OSBPL10: variants seen among roughly 807,000 people sequenced by gnomAD.
OSBPL10 encodes the protein oxysterol-binding protein-related protein 10.
A neutral mutation model predicts 81.7 loss-of-function variants in OSBPL10; 49 were observed. The ratio of observed to expected loss-of-function variants is 0.60; its 90% CI spans 0.48 to 0.76. The LOEUF (loss-of-function observed/expected upper bound fraction) is 0.76, where lower values mean the gene tolerates loss of function less well. Ranked by LOEUF, OSBPL10 falls within the 30% of genes least tolerant of loss-of-function variation. The pLI, the probability that OSBPL10 is intolerant of heterozygous loss-of-function variation, is 0.00. For synonymous variants in OSBPL10, 419 were observed against 383.6 expected, an observed-to-expected ratio of 1.09 and a Z score of -1.08; for missense variants, 923 against 987.8, an observed-to-expected ratio of 0.93 and a Z score of 0.88.
rs1474226003 is a variant in OSBPL10, at chr3:31,990,739, G to A, written n.298+55752C>T. The A allele has an allele frequency of 1.9e-6, 3 of 1,613,842 alleles. No homozygotes were observed. In the African/African-American group the frequency reaches 4.0e-5, roughly 22 times the overall value. Reference sequence around the variant, plus strand: ...AGTTTTCAGTCGCAAATCACACCATGAAACACATAAGAGAATTCATACTGG... The same window carrying A: ...AGTTTTCAGTCGCAAATCACACCATAAAACACATAAGAGAATTCATACTGG... On this transcript the variant is annotated intron_variant and non_coding_transcript_variant, in intron 2 of 3. Transcript: ENST00000479173.
chr3:31,772,869 A>C (rs1575534821), intron 4 of OSBPL10, among the ~76,000 whole-genome samples: 1 of 152,170 alleles, frequency 6.6e-6, no homozygotes, highest in African/African-American at 2.4e-5. Flanking sequence ...TCTTTCTCAG[A>C]TTCTTGATTC....
intron 1 of OSBPL10, among the ~76,000 whole-genome samples, chr3:31,906,027 T>C (rs1261549812): frequency 6.6e-6 from 1 of 151,868 alleles, no homozygotes; most frequent in African/African-American, 2.4e-5. Flanking sequence ...GTTTGGGGAG[T>C]GTCTCCTGCT....
At chr3:31,831,001 A>G (rs554442484) in intron 3 of OSBPL10, among the ~76,000 whole-genome samples, 7 of 152,324 alleles carry the variant, frequency 4.6e-5, no homozygotes, top group Admixed American at 3.9e-4. Flanking sequence ...ACAAAGCTGG[A>G]TTCATCTCTC....
intron 7 of OSBPL10, among the ~76,000 whole-genome samples, chr3:31,696,251 C>T (rs1247696610): frequency 1.3e-5 from 2 of 152,206 alleles, no homozygotes. Context: ...CAAATTCCTG[C>T]ACTCATCTGC....
chr3:31,771,784 C>T (rs949716050), intron 4 of OSBPL10, among the ~76,000 whole-genome samples: 13 of 152,144 alleles, frequency 8.5e-5, no homozygotes, highest in African/African-American at 1.7e-4. Flanking sequence ...TGGAAAACTT[C>T]GTAATTTTGA....
At chr3:31,873,228 A>G (rs1284798027) in intron 3 of OSBPL10, among the ~76,000 whole-genome samples, 1 of 152,228 alleles carries the variant, frequency 6.6e-6, no homozygotes, top group East Asian at 1.9e-4. Context: ...CAATTTAAAA[A>G]AAATGCAATC....
At chr3:31,840,651 A>G (rs1020562361) in intron 3 of OSBPL10, among the ~76,000 whole-genome samples, 8 of 152,192 alleles carry the variant, frequency 5.3e-5, no homozygotes, top group African/African-American at 1.7e-4. Flanking sequence ...GGCTACAGAA[A>G]CCTTATAAGT....
At chr3:31,997,920 T>C (rs1266439434) in intron 2 of OSBPL10, among the ~76,000 whole-genome samples, 1 of 152,072 alleles carries the variant, frequency 6.6e-6, no homozygotes, top group African/African-American at 2.4e-5. Context: ...CCCGAGTAGC[T>C]GGGACTATAC....
chr3:31,663,181 A>G (rs1260755639), intron 11 of OSBPL10: 1 of 985,356 alleles, frequency 1.0e-6, no homozygotes, highest in East Asian at 1.1e-4. Flanking sequence ...GGCTAAGGAA[A>G]GCCCACAGAT....
chr3:32,013,890 A>G (rs1699287472), intron 2 of OSBPL10, among the ~76,000 whole-genome samples: 1 of 152,200 alleles, frequency 6.6e-6, no homozygotes, highest in Non-Finnish European at 1.5e-5. Context: ...CCAAGACTAA[A>G]CCAGGAAGAA....
At chr3:31,867,083 C>G (rs1331193942) in intron 3 of OSBPL10, among the ~76,000 whole-genome samples, 17 of 152,148 alleles carry the variant, frequency 1.1e-4, no homozygotes, top group Admixed American at 1.1e-3. Flanking sequence ...ATATGCCAAT[C>G]TAACCACAGT....
At chr3:32,022,862 C>T (rs1164534781) in intron 2 of OSBPL10, among the ~76,000 whole-genome samples, 1 of 152,096 alleles carries the variant, frequency 6.6e-6, no homozygotes, top group Admixed American at 6.5e-5. Flanking sequence ...TTAATTCTGG[C>T]CTGGGAGTGT....
At chr3:31,848,144 C>T (rs1029987517) in intron 3 of OSBPL10, among the ~76,000 whole-genome samples, 1 of 152,016 alleles carries the variant, frequency 6.6e-6, no homozygotes, top group African/African-American at 2.4e-5. Context: ...GGACACCTGC[C>T]CTGAAGCTTT....
intron 3 of OSBPL10, among the ~76,000 whole-genome samples, chr3:31,850,568 T>G (rs1210277597): frequency 1.3e-5 from 2 of 152,150 alleles, no homozygotes; most frequent in Non-Finnish European, 2.9e-5. Context: ...ACCAAAATTC[T>G]ACTTCATTAA....
Position 31,980,888 on chromosome 3 carries a change from T to C in OSBPL10, c.281+11A>G, listed in dbSNP as rs1364710451. On this transcript the variant is annotated intron_variant, in intron 1 of 11. Coordinates refer to ENST00000396556, the MANE Select transcript of OSBPL10 (RefSeq NM_017784.5). ...AGCGGCGCGCGGTGGCGCGGGCGGC[T>C]GGCGCGTTACCTGTTCTGCCAGCCC... 3 of 1,557,034 alleles carry C rather than the reference T, an allele frequency of 1.9e-6. No individual in the cohort carries two copies. The highest frequency in any genetic ancestry group is 2.8e-5 in the African/African-American group (2 of 71,098).
rs572729060 is a variant in OSBPL10, at chr3:31,896,218, G to A, written c.282-16388C>T. 5.9e-5 allele frequency among the ~76,000 whole-genome samples: 9 copies of A among 152,232 alleles called. 2 individuals carry two copies. Among genetic ancestry groups the A allele is most frequent in the African/African-American group, 2.2e-4 (9 of 41,534 alleles). ...CATCACACTAAAACCATCACACTTT[G>A]TAGAGGAAAGAGTTATTGCATCACT... On this transcript the variant is annotated intron_variant, in intron 1 of 11. Transcript: ENST00000396556.
intron 6 of OSBPL10, chr3:31,709,078 A>C (rs1332805442): frequency 1.1e-5 from 11 of 976,976 alleles, no homozygotes; most frequent in Non-Finnish European, 1.3e-5. Context: ...TTCAACAACG[A>C]GGCCACTGTG....
intron 1 of OSBPL10, among the ~76,000 whole-genome samples, chr3:31,933,829 C>G (rs11713199): frequency 0.21 from 31,599 of 151,970 alleles, 3,819 homozygotes; most frequent in Non-Finnish European, 0.28. Flanking sequence ...AACTTTACAA[C>G]AAGCTTTTAC....
chr3:31,736,309 A>G (rs1697173398), intron 5 of OSBPL10, among the ~76,000 whole-genome samples: 1 of 150,882 alleles, frequency 6.6e-6, no homozygotes, highest in Non-Finnish European at 1.5e-5. Flanking sequence ...TTTGACTACA[A>G]TTTTTTTCTT....
Sources: gnomAD v4.1 joint callset for allele counts (sites outside exome capture counted in the v4.1 genomes callset) on GRCh38, gnomAD v4.1.1 for gene constraint, MANE v1.5 for transcripts, NCBI Gene and HGNC (gene_info 2026-07-23, HGNC 2026-07-21) for gene names.